Variants in CD47 observed in about 807,000 individuals in gnomAD.
CD47 encodes leukocyte surface antigen CD47.
In CD47, 11 loss-of-function variants were observed where a neutral mutation model predicts 44.6. The observed-to-expected ratio is 0.25, with a 90% CI of 0.16 to 0.41. CD47 has a LOEUF of 0.41. Among genes scored for constraint, CD47 ranks in the 10% least tolerant of loss-of-function variants. CD47 has a pLI of 1.00. For synonymous variants in CD47, 140 were observed against 136.3 expected (o/e 1.03, Z -0.19); for missense variants, 306 against 386.7 (o/e 0.79, Z 1.75).
At chr3:108,068,075 A>T (rs944502162) in intron 3 of CD47, among the ~76,000 whole-genome samples, 1 of 152,220 alleles carries the variant, frequency 6.6e-6, no homozygotes, top group Admixed American at 6.5e-5. Context: ...AGGAAAAGTT[A>T]AGCAGAACTA....
rs1413780994 is a variant in CD47 at position 108,045,514 on chromosome 3, T to C, written c.*1774A>G. On this transcript the variant is annotated 3_prime_UTR_variant, in exon 11 of 11. Coordinates refer to ENST00000361309, the MANE Select transcript of CD47 (RefSeq NM_001777.4). ...TCAAGGAAGAATATACATGTGTGTA[T>C]ATACATACGTATATATAGATATACG... 6.6e-6 allele frequency: 1 copy of C among 152,492 alleles called. No individual in the cohort carries two copies. Among genetic ancestry groups the C allele is most frequent in the East Asian group, 1.9e-4 (1 of 5,192 alleles). 9.4% of individuals were successfully genotyped at this position (152,492 alleles called of 1,614,324 possible). A position where few individuals can be genotyped will look rare whatever the true frequency, so the allele number is the denominator to read the frequency against.
intron 1 of CD47, among the ~76,000 whole-genome samples, 169 bp downstream of exon 1, chr3:108,090,694 G>A (rs1039149204): frequency 2.0e-5 from 3 of 152,160 alleles, no homozygotes; most frequent in Non-Finnish European, 4.4e-5. Context: ...GGGGGCGCCC[G>A]ATTCCCCGTG....
chr3:108,054,621 C>T (rs2078883117), intron 7 of CD47: 1 of 152,176 alleles, frequency 6.6e-6, no homozygotes, highest in Non-Finnish European at 1.5e-5. Context: ...ATTTGTTCTT[C>T]TCTCCCTGAA....
intron 1 of CD47, among the ~76,000 whole-genome samples, chr3:108,080,900 C>A (rs1041674486): frequency 2.0e-5 from 3 of 151,710 alleles, no homozygotes; most frequent in Non-Finnish European, 4.4e-5. Flanking sequence ...CAAATCATAT[C>A]TTTCCACTAG....
At chr3:108,074,867 A>G (rs77121409) in intron 2 of CD47, among the ~76,000 whole-genome samples, 8 of 152,078 alleles carry the variant, frequency 5.3e-5, no homozygotes, top group African/African-American at 1.9e-4. Context: ...GGATCATGGA[A>G]TTAGATATTT....
intron 1 of CD47, among the ~76,000 whole-genome samples, chr3:108,088,290 T>A (rs2079559675): frequency 6.6e-6 from 1 of 152,200 alleles, no homozygotes; most frequent in South Asian, 2.1e-4. Context: ...GGGGGGAAAG[T>A]CATCTATCTC....
intron 1 of CD47, among the ~76,000 whole-genome samples, chr3:108,082,927 ACT>A (rs1445547090): frequency 1.3e-5 from 2 of 151,954 alleles, no homozygotes; most frequent in Non-Finnish European, 1.5e-5. Context: ...CAAAAATATC[ACT>A]CTAGCTGTTA....
At chr3:108,078,808 C>T (rs2079359406) in intron 2 of CD47, among the ~76,000 whole-genome samples, 1 of 152,030 alleles carries the variant, frequency 6.6e-6, no homozygotes, top group Non-Finnish European at 1.5e-5. Context: ...TACCTTACTT[C>T]ATAAAATAAA....
chr3:108,060,521 C>T (rs2078991403), intron 4 of CD47, among the ~76,000 whole-genome samples: 1 of 152,160 alleles, frequency 6.6e-6, no homozygotes, highest in African/African-American at 2.4e-5. Context: ...GCTAGAAGAG[C>T]CAAGAAATGG....
intron 1 of CD47, among the ~76,000 whole-genome samples, chr3:108,087,494 T>A (rs1376707832): frequency 6.6e-6 from 1 of 152,200 alleles, no homozygotes; most frequent in Admixed American, 6.5e-5. Flanking sequence ...ATATCCCTAC[T>A]GTCTATATAC....
At chr3:108,055,767 A>C (rs2108228196) in intron 7 of CD47, among the ~76,000 whole-genome samples, 2 of 152,312 alleles carry the variant, frequency 1.3e-5, no homozygotes, top group African/African-American at 2.4e-5. Flanking sequence ...TAATGTCAGA[A>C]CAGTGACAGG....
intron 8 of CD47, chr3:108,050,886 A>ATTATG: frequency 2.4e-6 from 1 of 410,686 alleles, no homozygotes. Flanking sequence ...CTAACTTCTA[A>ATTATG]AAATATGAAA....
chr3:108,086,746 A>G (rs546274806), intron 1 of CD47, among the ~76,000 whole-genome samples: 1 of 152,208 alleles, frequency 6.6e-6, no homozygotes, highest in Non-Finnish European at 1.5e-5. Context: ...TTTTTGTTTT[A>G]TTTTTTAATA....
intron 10 of CD47, among the ~76,000 whole-genome samples, chr3:108,049,349 T>C (rs1427604290): frequency 6.6e-6 from 1 of 152,214 alleles, no homozygotes; most frequent in African/African-American, 2.4e-5. Flanking sequence ...AGACACGGAA[T>C]CTGAAAAACA....
chr3:108,047,745 T>C (rs1338805735), intron 10 of CD47, among the ~76,000 whole-genome samples: 2 of 152,202 alleles, frequency 1.3e-5, no homozygotes, highest in Non-Finnish European at 1.5e-5. Flanking sequence ...AGACATACTG[T>C]AAGCAATAAG....
At chr3:108,063,181 A>C (rs2079050047) in intron 3 of CD47, among the ~76,000 whole-genome samples, 1 of 152,198 alleles carries the variant, frequency 6.6e-6, no homozygotes, top group Non-Finnish European at 1.5e-5. Context: ...GATTAGTTCA[A>C]CTACTACTTA....
chr3:108,088,401 T>C (rs1170557470), intron 1 of CD47, among the ~76,000 whole-genome samples: 3 of 152,166 alleles, frequency 2.0e-5, no homozygotes, highest in South Asian at 2.1e-4. Context: ...AGTGTCCTAA[T>C]GGTAGGCATT....
At chr3:108,060,188 C>T (rs1041512052) in intron 4 of CD47, among the ~76,000 whole-genome samples, 2 of 152,198 alleles carry the variant, frequency 1.3e-5, no homozygotes, top group South Asian at 2.1e-4. Flanking sequence ...GAATGATGGC[C>T]CTAAAATTAT....
rs1339583814 is a variant in CD47, at chr3:108,061,000, C to T, written c.491-148G>A. Reference sequence around the variant, plus strand: ...TCCTTAATATCATCAAGTCACCTCACATCTCTTTCATAAGCAAATGGATAA... The same window carrying T: ...TCCTTAATATCATCAAGTCACCTCATATCTCTTTCATAAGCAAATGGATAA... On this transcript the variant is annotated intron_variant, in intron 3 of 10. Transcript: ENST00000361309. 6.8e-6 allele frequency: 4 copies of T among 589,746 alleles called. No homozygotes were observed. The African/African-American group carries it at 7.5e-5, about 11-fold the overall frequency. The allele number at this position is 589,746 out of a possible 1,614,324, so 36.5% of individuals were successfully genotyped here.
Sources: gnomAD v4.1 joint callset for allele counts (sites outside exome capture counted in the v4.1 genomes callset) on GRCh38, gnomAD v4.1.1 for gene constraint, MANE v1.5 for transcripts, NCBI Gene and HGNC (gene_info 2026-07-23, HGNC 2026-07-21) for gene names.